ILDR2: variants seen among roughly 807,000 people sequenced by gnomAD.
ILDR2 encodes immunoglobulin-like domain-containing receptor 2.
Under a neutral mutation model 66.8 loss-of-function variants are expected in ILDR2, and 25 were observed. That is an observed-to-expected ratio of 0.37 (90% CI 0.27 to 0.52). ILDR2 has a LOEUF of 0.52. Ranked by LOEUF, ILDR2 falls within the 20% of genes least tolerant of loss-of-function variation. The pLI is 0.88. For synonymous variants in ILDR2, 367 were observed against 357.2 expected, an observed-to-expected ratio of 1.03 and a Z score of -0.31; for missense variants, 827 against 876.8, an observed-to-expected ratio of 0.94 and a Z score of 0.72.
intron 3 of ILDR2, among the ~76,000 whole-genome samples, chr1:166,951,086 T>C (rs1661950018): frequency 2.0e-5 from 3 of 152,244 alleles, no homozygotes; most frequent in Admixed American, 2.0e-4. Context: ...GAGTTTCCTT[T>C]AGGAAGTTAC....
rs374479063 is a variant in ILDR2, at chr1:166,909,736, C to CATATATATATAT, written c.*9607_*9618dup. On this transcript the variant is annotated 3_prime_UTR_variant, in exon 10 of 10. Coordinates refer to ENST00000271417, the MANE Select transcript of ILDR2 (RefSeq NM_199351.3). ...ATATATATGTGTGTGTGTATACATA[C>CATATATATATAT]ATATATATATATATATATATATAAA... is the stretch of plus-strand genomic sequence containing the variant. The CATATATATATAT allele has an allele frequency of 7.9e-5, 8 of 100,926 alleles. No homozygotes were observed. Among genetic ancestry groups the CATATATATATAT allele is most frequent in the African/African-American group, 2.4e-4 (6 of 24,910 alleles). 6.3% of individuals were successfully genotyped at this position (100,926 alleles called of 1,614,324 possible).
chr1:166,931,538 T>C (rs1404443659), intron 6 of ILDR2, among the ~76,000 whole-genome samples: 1 of 152,124 alleles, frequency 6.6e-6, no homozygotes, highest in Non-Finnish European at 1.5e-5. Context: ...GCATGAAGAA[T>C]GGGTGGAGGA....
chr1:166,901,056 A>C (rs745517924), intron 2 of ILDR2, among the ~76,000 whole-genome samples: 1 of 152,190 alleles, frequency 6.6e-6, no homozygotes, highest in Non-Finnish European at 1.5e-5. Flanking sequence ...CAAAGCCCCA[A>C]TAGCTTTATA....
intron 3 of ILDR2, chr1:166,943,783 G>A: frequency 3.1e-6 from 3 of 979,336 alleles, no homozygotes; most frequent in Non-Finnish European, 3.6e-6. Flanking sequence ...CAACACTTGT[G>A]AATCGCTGTC....
At chr1:166,955,643 A>G (rs1330344468) in intron 3 of ILDR2, among the ~76,000 whole-genome samples, 1 of 152,184 alleles carries the variant, frequency 6.6e-6, no homozygotes, top group Non-Finnish European at 1.5e-5. Context: ...AAATAAAACA[A>G]TAACAAAACA....
rs1037459220 is a variant in ILDR2 at position 166,913,070 on chromosome 1, T to A, written c.*6285A>T. 1 of 152,210 alleles carries A rather than the reference T, an allele frequency of 6.6e-6. No individual in the cohort carries two copies. The highest frequency in any genetic ancestry group is 6.5e-5 in the Admixed American group (1 of 15,276). The allele number at this position is 152,210 out of a possible 1,614,324, so 9.4% of individuals were successfully genotyped here. A position where few individuals can be genotyped will look rare whatever the true frequency, so the allele number is the denominator to read the frequency against. On this transcript the variant is annotated 3_prime_UTR_variant, in exon 10 of 10. Coordinates refer to ENST00000271417, the MANE Select transcript of ILDR2 (RefSeq NM_199351.3). Reference sequence around the variant, plus strand: ...CAGCCCCCTCTGTAACCCCACAATATGTATTCCTCTATTACTGTACTTACA... The same window carrying A: ...CAGCCCCCTCTGTAACCCCACAATAAGTATTCCTCTATTACTGTACTTACA...
Position 166,975,310 on chromosome 1 carries a change from G to A in ILDR2, c.-42C>T. 1 of 1,586,182 alleles carries A rather than the reference G, an allele frequency of 6.3e-7. No homozygotes were observed. Among genetic ancestry groups the A allele is most frequent in the Non-Finnish European group, 8.6e-7 (1 of 1,156,356 alleles). On this transcript the variant is annotated 5_prime_UTR_variant, in exon 1 of 10. Coordinates refer to ENST00000271417, the MANE Select transcript of ILDR2 (RefSeq NM_199351.3). ...GCCGAATTACGGAGTGAGGAAAGTG[G>A]GAAATGGCTGGAACAGAAGGATCGC...
At chr1:166,944,850 G>T (rs189278149) in intron 3 of ILDR2, among the ~76,000 whole-genome samples, 1 of 152,034 alleles carries the variant, frequency 6.6e-6, no homozygotes, top group Non-Finnish European at 1.5e-5. Flanking sequence ...CAGTTATCTC[G>T]TGGCTGCAAT....
rs1659435941 is a variant in ILDR2 at position 166,909,794 on chromosome 1, T to TATATATATGTATGTATACACACAC, written c.*9560_*9561insGTGTGTGTATACATACATATATAT. The stretch of plus-strand genomic sequence containing the variant: ...AAATATATATATTTATATATATATA[T>TATATATATGTATGTATACACACAC]ATATATATATATCCTTCTAGCTTTG... On this transcript the variant is annotated 3_prime_UTR_variant, in exon 10 of 10. Coordinates refer to ENST00000271417, the MANE Select transcript of ILDR2 (RefSeq NM_199351.3). 7.8e-6 allele frequency: 1 copy of TATATATATGTATGTATACACACAC among 128,404 alleles called. No homozygotes were observed. Among genetic ancestry groups the TATATATATGTATGTATACACACAC allele is most frequent in the South Asian group, 2.4e-4 (1 of 4,204 alleles). The allele number at this position is 128,404 out of a possible 1,614,324, so 8.0% of individuals were successfully genotyped here. A position where few individuals can be genotyped will look rare whatever the true frequency, so the allele number is the denominator to read the frequency against.
intron 7 of ILDR2, among the ~76,000 whole-genome samples, chr1:166,925,409 G>A (rs200562661): frequency 6.6e-6 from 1 of 152,280 alleles, no homozygotes; most frequent in East Asian, 1.9e-4. Flanking sequence ...TCTGGCACTG[G>A]CACTGAGTAC....
At position 166,920,811 on chromosome 1, in the gene ILDR2, AGGGCGGCAGCGCGTCGTC is replaced by A; in HGVS notation, c.1762_1779del (p.Asp588_Pro593del). 6.5e-7 allele frequency: 1 copy of A among 1,529,968 alleles called. No individual in the cohort carries two copies. The highest frequency in any genetic ancestry group is 8.8e-7 in the Non-Finnish European group (1 of 1,141,268). 94.8% of individuals were successfully genotyped at this position (1,529,968 alleles called of 1,614,324 possible). Reference sequence around the variant, plus strand: ...CCGCGGGTCAGCTCCAGCTCGCTGTAGGGCGGCAGCGCGTCGTCGGACGCGTCCTCCTGGTCGTCCTGC... The same window carrying A: ...CCGCGGGTCAGCTCCAGCTCGCTGTAGGACGCGTCCTCCTGGTCGTCCTGC... On this transcript the variant is annotated inframe_deletion, in exon 9 of 10. Coordinates refer to ENST00000271417, the MANE Select transcript of ILDR2 (RefSeq NM_199351.3).
At chr1:166,968,208 T>C (rs552359549) in intron 1 of ILDR2, among the ~76,000 whole-genome samples, 1 of 152,320 alleles carries the variant, frequency 6.6e-6, no homozygotes, top group Non-Finnish European at 1.5e-5. Flanking sequence ...ACTCTAACCA[T>C]ACTAAAGTAT....
intron 2 of ILDR2, among the ~76,000 whole-genome samples, chr1:166,901,810 C>A (rs917924714): frequency 2.0e-5 from 3 of 152,218 alleles, no homozygotes. Flanking sequence ...AATACAGCCA[C>A]TGACATTCAC....
chr1:166,920,592 G>A (rs573713166), intron 9 of ILDR2, 115 bp downstream of exon 9: 6 of 1,214,230 alleles, frequency 4.9e-6, no homozygotes, highest in Non-Finnish European at 4.2e-6. Flanking sequence ...CGGCCTCTCC[G>A]GCAAGGACCC....
Position 166,927,081 on chromosome 1 carries a change from C to G in ILDR2, c.980G>C (p.Arg327Thr), listed in dbSNP as rs769225355. Residue 327 changes from arginine to threonine, a missense_variant, in exon 7 of 10, where the codon AGG becomes ACG. Around this residue, in one of 2 missense-constraint regions of ILDR2, gnomAD observed 437 missense variants for 523.2 expected, o/e 0.84. Transcript: ENST00000271417. ...CAGATGCTCACATCTGCCTCTCATC[C>G]TTCTGGCTGGATCAAACTGAGCCAG... ...KELAQFDPAR[R>T]MRGRYNNTIS... 1.9e-6 allele frequency: 3 copies of G among 1,609,432 alleles called. No homozygotes were observed. The African/African-American group carries it at 4.0e-5, about 22-fold the overall frequency.
intron 3 of ILDR2, 88 bp downstream of exon 3, chr1:166,956,645 C>A: frequency 6.9e-7 from 1 of 1,456,900 alleles, no homozygotes; most frequent in Non-Finnish European, 9.3e-7. Context: ...CCTGCTAATG[C>A]ACACAGGGGA....
At chr1:166,967,692 G>A (rs756801765) in intron 1 of ILDR2, among the ~76,000 whole-genome samples, 12 of 152,170 alleles carry the variant, frequency 7.9e-5, no homozygotes, top group Admixed American at 1.3e-4. Flanking sequence ...GGAGGCAGAG[G>A]CTGCAGTGAG....
chr1:166,966,708 T>C (rs1463633175), intron 1 of ILDR2, among the ~76,000 whole-genome samples: 1 of 152,240 alleles, frequency 6.6e-6, no homozygotes, highest in Non-Finnish European at 1.5e-5. Context: ...AGGTGTTGTC[T>C]AGCTGGCTTA....
At chr1:166,946,443 A>G (rs938650201) in intron 3 of ILDR2, among the ~76,000 whole-genome samples, 1 of 152,200 alleles carries the variant, frequency 6.6e-6, no homozygotes, top group Admixed American at 6.5e-5. Context: ...GTATTGGACC[A>G]TCTACAATTA....
Sources: gnomAD v4.1 joint callset for allele counts (sites outside exome capture counted in the v4.1 genomes callset) on GRCh38, gnomAD v4.1.1 for gene constraint, gnomAD v4.1.1 regional missense constraint, MANE v1.5 for transcripts, NCBI Gene and HGNC (gene_info 2026-07-23, HGNC 2026-07-21) for gene names.